The following IFNG-AS1 variants were observed in gnomAD, a reference collection of about 807,000 sequenced individuals.
The protein encoded by IFNG-AS1 is IFNG antisense RNA 1 (non-protein coding).
chr12:68,018,786 A>AT (rs145826038), intron 3 of IFNG-AS1, among the ~76,000 whole-genome samples: 10,155 of 27,292 alleles, frequency 0.37, 1,134 homozygotes, highest in Middle Eastern at 0.4. Context: ...TTATATATAT[A>AT]TTTTTTTTTA....
At chr12:67,994,806 T>C in intron 1 of IFNG-AS1, among the ~76,000 whole-genome samples, 1 of 152,194 alleles carries the variant, frequency 6.6e-6, no homozygotes, top group East Asian at 1.9e-4. Context: ...CACCGCAGAT[T>C]TAAAGTATGG....
intron 3 of IFNG-AS1, among the ~76,000 whole-genome samples, chr12:68,011,805 G>A (rs7313068): frequency 0.23 from 34,640 of 152,056 alleles, 4,286 homozygotes; most frequent in East Asian, 0.49. Flanking sequence ...CAACCTTACG[G>A]GAGCCAAAAG....
chr12:67,991,677 C>T (rs1879516381), intron 1 of IFNG-AS1, among the ~76,000 whole-genome samples: 2 of 152,332 alleles, frequency 1.3e-5, no homozygotes, highest in Admixed American at 6.5e-5. Flanking sequence ...GGCTCTTTGG[C>T]TTCTCCGCAC....
At chr12:67,995,339 T>A (rs866931614) in intron 1 of IFNG-AS1, among the ~76,000 whole-genome samples, 6 of 147,900 alleles carry the variant, frequency 4.1e-5, no homozygotes, top group South Asian at 2.1e-4. Flanking sequence ...GAGAATCGCT[T>A]GAACCCAGGA....
intron 3 of IFNG-AS1, among the ~76,000 whole-genome samples, chr12:68,014,669 T>G (rs1457632917): frequency 6.6e-6 from 1 of 152,182 alleles, no homozygotes; most frequent in African/African-American, 2.4e-5. Context: ...AGACTGCTTT[T>G]GGACTTGAAC....
At chr12:68,000,480 C>T (rs1490121827) in intron 2 of IFNG-AS1, among the ~76,000 whole-genome samples, 1 of 152,030 alleles carries the variant, frequency 6.6e-6, no homozygotes, top group African/African-American at 2.4e-5. Context: ...CCAGCCTGGA[C>T]AACATAGTGA....
chr12:68,013,137 T>C (rs1365032884), intron 3 of IFNG-AS1, among the ~76,000 whole-genome samples: 2 of 152,264 alleles, frequency 1.3e-5, no homozygotes, highest in African/African-American at 4.8e-5. Context: ...AACCACTGAA[T>C]ATATCATTAT....
chr12:68,007,578 T>C (rs1390929630), intron 3 of IFNG-AS1, among the ~76,000 whole-genome samples: 1 of 152,234 alleles, frequency 6.6e-6, no homozygotes, highest in Admixed American at 6.5e-5. Flanking sequence ...TGAGAGTTTC[T>C]TAATGCCCTC....
chr12:68,020,453 C>T (rs925845770), intron 4 of IFNG-AS1: 2 of 152,064 alleles, frequency 1.3e-5, no homozygotes, highest in African/African-American at 4.8e-5. Flanking sequence ...GCAAACACAC[C>T]AACACATTAA....
intron 3 of IFNG-AS1, among the ~76,000 whole-genome samples, chr12:68,010,459 C>A (rs1880000787): frequency 6.6e-6 from 1 of 152,202 alleles, no homozygotes; most frequent in African/African-American, 2.4e-5. Flanking sequence ...CTTTCTCCAT[C>A]ATTTTCCCAG....
rs371239247 is a variant in IFNG-AS1 at position 67,990,529 on chromosome 12, C to A, written n.51+950C>A. On this transcript the variant is annotated intron_variant and non_coding_transcript_variant, in intron 1 of 5. Transcript: ENST00000536914. ...AGAAACATCTGAACATCTTATATGA[C>A]CAATAGAAGCTTTCTAATCCTTTTT... 3.9e-5 allele frequency among the ~76,000 whole-genome samples: 6 copies of A among 152,060 alleles called. No individual in the cohort carries two copies. In the South Asian group the frequency reaches 6.2e-4, roughly 16 times the overall value.
At chr12:68,014,742 C>T (rs1441302212) in intron 3 of IFNG-AS1, among the ~76,000 whole-genome samples, 4 of 151,950 alleles carry the variant, frequency 2.6e-5, no homozygotes, top group African/African-American at 9.7e-5. Flanking sequence ...ACTGGCCAAG[C>T]CTCCACAATC....
intron 4 of IFNG-AS1, chr12:68,020,857 C>T (rs761832891): frequency 2.6e-5 from 4 of 152,172 alleles, no homozygotes; most frequent in Non-Finnish European, 4.4e-5. Flanking sequence ...ACTTTTGACA[C>T]ACATCCTCTA....
In IFNG-AS1 at chr12:67,992,299, C is replaced by G. The variant is rs183435646; in HGVS notation, n.51+2720C>G. On this transcript the variant is annotated intron_variant and non_coding_transcript_variant, in intron 1 of 5. Coordinates refer to ENST00000536914, the Ensembl canonical transcript of IFNG-AS1. ...TTGATACACATTATTTTCACTGCTA[C>G]ATAGTATTCCACTGAATCATTATTC... Among the ~76,000 whole-genome samples, 280 of 152,324 alleles carry G rather than the reference C, an allele frequency of 1.8e-3. 2 individuals carry two copies. Among genetic ancestry groups the G allele is most frequent in the Non-Finnish European group, 2.1e-3 (144 of 68,024 alleles).
chr12:67,995,432 A>G (rs1879615086), intron 1 of IFNG-AS1, among the ~76,000 whole-genome samples: 1 of 148,856 alleles, frequency 6.7e-6, no homozygotes, highest in Admixed American at 6.7e-5. Context: ...AAAAAAAAAA[A>G]AAAAAAAGGG....
At chr12:67,998,612 G>A (rs1879696359) in intron 2 of IFNG-AS1, among the ~76,000 whole-genome samples, 1 of 151,802 alleles carries the variant, frequency 6.6e-6, no homozygotes, top group African/African-American at 2.4e-5. Context: ...TAGAAACCAT[G>A]GTAATGTTTC....
At chr12:67,995,040 A>G (rs897085229) in intron 1 of IFNG-AS1, among the ~76,000 whole-genome samples, 1 of 152,218 alleles carries the variant, frequency 6.6e-6, no homozygotes, top group African/African-American at 2.4e-5. Flanking sequence ...ATCAAATGTC[A>G]AGAAAACTAG....
chr12:68,013,878 G>A (rs1245917542), intron 3 of IFNG-AS1, among the ~76,000 whole-genome samples: 2 of 152,040 alleles, frequency 1.3e-5, no homozygotes, highest in Non-Finnish European at 2.9e-5. Context: ...TGAGATTTTG[G>A]TGCACCCATC....
intron 3 of IFNG-AS1, among the ~76,000 whole-genome samples, chr12:68,018,915 T>A (rs574102533): frequency 1.2e-4 from 19 of 152,240 alleles, no homozygotes; most frequent in African/African-American, 2.9e-4. Flanking sequence ...GCAACTTTTT[T>A]AAGAGGATCC....
Sources: allele counts gnomAD v4.1 joint callset (sites outside exome capture counted in the v4.1 genomes callset), GRCh38; gene constraint gnomAD v4.1.1; transcripts MANE v1.5; gene names NCBI Gene and HGNC (gene_info 2026-07-23, HGNC 2026-07-21).